The following CDKL3 variants were observed in gnomAD, a reference collection of about 807,000 sequenced individuals.
The protein encoded by CDKL3 is cyclin dependent kinase like 3, also known as cyclin-dependent kinase-like 3.
In CDKL3, 65 loss-of-function variants were observed where a neutral mutation model predicts 69.3. That is an observed-to-expected ratio of 0.94 (90% CI 0.77 to 1.15). The LOEUF (loss-of-function observed/expected upper bound fraction) is 1.15, where lower values mean the gene tolerates loss of function less well. Ranked by LOEUF, CDKL3 falls within the 50% of genes most tolerant of loss-of-function variation. The pLI is 0.00. For synonymous variants in CDKL3, 202 were observed against 221.6 expected (o/e 0.91, Z 0.79); for missense variants, 652 against 689.2 (o/e 0.95, Z 0.61).
chr5:134,352,492 G>C (rs1478843980), intron 3 of CDKL3, among the ~76,000 whole-genome samples: 3 of 151,850 alleles, frequency 2.0e-5, no homozygotes, highest in East Asian at 1.9e-4. Context: ...GTGGAGATGG[G>C]GTTTCACCAG....
chr5:134,369,661 C>T (rs1708572659), upstream of CDKL3, among the ~76,000 whole-genome samples: 1 of 152,118 alleles, frequency 6.6e-6, no homozygotes, highest in South Asian at 2.1e-4. Flanking sequence ...GCTTCAACTT[C>T]CTCGTCTCAA....
At chr5:134,353,700 C>T (rs568526997) in intron 3 of CDKL3, among the ~76,000 whole-genome samples, 1 of 152,152 alleles carries the variant, frequency 6.6e-6, no homozygotes, top group East Asian at 1.9e-4. Context: ...TACAGGACTA[C>T]GGGCATGCGC....
At chr5:134,351,832 A>C (rs1298112051) in intron 3 of CDKL3, among the ~76,000 whole-genome samples, 1 of 152,170 alleles carries the variant, frequency 6.6e-6, no homozygotes, top group African/African-American at 2.4e-5. Flanking sequence ...TGTTGTTTTA[A>C]AATATGTATA....
At chr5:134,345,407 G>GACT (rs1751613139) in intron 4 of CDKL3, among the ~76,000 whole-genome samples, 1 of 152,164 alleles carries the variant, frequency 6.6e-6, no homozygotes, top group Non-Finnish European at 1.5e-5. Flanking sequence ...AAGTATCAGA[G>GACT]ACTACATACT....
rs533996527 is a variant in CDKL3, at chr5:134,324,218, A to C, written c.540-2315T>G. Reference sequence around the variant, plus strand: ...CAAATGCAGGTGAGGATGGCAAACAACAGGTACTCTCATTCATTGCTGGTA... The same window carrying C: ...CAAATGCAGGTGAGGATGGCAAACACCAGGTACTCTCATTCATTGCTGGTA... On this transcript the variant is annotated intron_variant, in intron 4 of 12. Coordinates refer to ENST00000265334, the MANE Select transcript of CDKL3 (RefSeq NM_001113575.2). Among the ~76,000 whole-genome samples the C allele has an allele frequency of 2.0e-5, 3 of 152,364 alleles. No homozygotes were observed. The South Asian group carries it at 6.2e-4, about 32-fold the overall frequency.
intron 4 of CDKL3, among the ~76,000 whole-genome samples, chr5:134,327,825 T>C (rs958031570): frequency 2.0e-5 from 3 of 151,876 alleles, no homozygotes; most frequent in Non-Finnish European, 4.4e-5. Context: ...CAGCTAGGAG[T>C]AGCCAGGGAA....
At chr5:134,310,594 TCTC>T (rs1468043993) in intron 7 of CDKL3, among the ~76,000 whole-genome samples, 1 of 152,140 alleles carries the variant, frequency 6.6e-6, no homozygotes, top group Non-Finnish European at 1.5e-5. Flanking sequence ...TTCAAATGAC[TCTC>T]CTGTCCCAGC....
At chr5:134,308,777 G>C (rs779071144) in intron 7 of CDKL3, 50 bp from the exon 8 acceptor site, 12 of 1,443,762 alleles carry the variant, frequency 8.3e-6, no homozygotes, top group Non-Finnish European at 1.1e-5. Flanking sequence ...TATGCAGATG[G>C]AGTATTTTAT....
intron 4 of CDKL3, among the ~76,000 whole-genome samples, chr5:134,349,608 TA>T (rs1280911686): frequency 6.6e-6 from 1 of 152,150 alleles, no homozygotes; most frequent in African/African-American, 2.4e-5. Flanking sequence ...ATGTAGAGGC[TA>T]AAGATAAACA....
chr5:134,342,901 A>G (rs932646492), intron 4 of CDKL3, among the ~76,000 whole-genome samples: 1 of 152,252 alleles, frequency 6.6e-6, no homozygotes, highest in African/African-American at 2.4e-5. Flanking sequence ...CTACAAAGCA[A>G]TAGTCATTAA....
intron 4 of CDKL3, among the ~76,000 whole-genome samples, chr5:134,330,100 A>G (rs1241811893): frequency 1.3e-5 from 2 of 152,160 alleles, no homozygotes; most frequent in African/African-American, 2.4e-5. Context: ...ATAAGGTTCA[A>G]GATACTTTTG....
intron 3 of CDKL3, among the ~76,000 whole-genome samples, chr5:134,355,628 ATCTTTC>A (rs766290503): frequency 3.9e-5 from 6 of 152,324 alleles, no homozygotes; most frequent in African/African-American, 1.4e-4. Flanking sequence ...AGTTTTGATA[ATCTTTC>A]TCTGTCATTT....
chr5:134,331,916 G>A (rs953418446), intron 4 of CDKL3, among the ~76,000 whole-genome samples: 1 of 151,610 alleles, frequency 6.6e-6, no homozygotes, highest in South Asian at 2.1e-4. Flanking sequence ...TACACTCCCA[G>A]TGTAAAAGTG....
intron 4 of CDKL3, among the ~76,000 whole-genome samples, chr5:134,345,918 T>C (rs1202589877): frequency 6.6e-6 from 1 of 152,186 alleles, no homozygotes; most frequent in African/African-American, 2.4e-5. Context: ...GCTTAGACTA[T>C]GATACCTGAA....
Position 134,298,540 on chromosome 5 carries a change from T to C in CDKL3, c.*111A>G, listed in dbSNP as rs1364386007. 7 of 1,479,758 alleles carry C rather than the reference T, an allele frequency of 4.7e-6. No individual in the cohort carries two copies. In the East Asian group the frequency reaches 1.4e-4, roughly 30 times the overall value. The allele number at this position is 1,479,758 out of a possible 1,614,324, so 91.7% of individuals were successfully genotyped here. On this transcript the variant is annotated 3_prime_UTR_variant, in exon 13 of 13. Coordinates refer to ENST00000265334, the MANE Select transcript of CDKL3 (RefSeq NM_001113575.2). ...AACAAAAAAAGCTGGATGATGCTCATGCACATGGATGGCTGTCTTAACAAC... is the reference window on the plus strand; with the variant it reads ...AACAAAAAAAGCTGGATGATGCTCACGCACATGGATGGCTGTCTTAACAAC...
intron 2 of CDKL3, among the ~76,000 whole-genome samples, chr5:134,365,816 TTTTGAG>T (rs1561661182): frequency 1.3e-5 from 2 of 152,204 alleles, no homozygotes; most frequent in Admixed American, 6.5e-5. Flanking sequence ...CTTTAGTCTC[TTTTGAG>T]TTTATGTTGT....
chr5:134,340,848 C>A (rs1750303590), intron 4 of CDKL3, among the ~76,000 whole-genome samples: 1 of 152,156 alleles, frequency 6.6e-6, no homozygotes, highest in African/African-American at 2.4e-5. Context: ...CATCCCATCT[C>A]ATTTTTTAAA....
intron 4 of CDKL3, among the ~76,000 whole-genome samples, chr5:134,349,176 A>T (rs980617504): frequency 2.0e-5 from 3 of 152,218 alleles, no homozygotes; most frequent in African/African-American, 7.2e-5. Context: ...AAGCATTTAG[A>T]ACAGTTTCTG....
At chr5:134,318,103 C>G (rs1180477708) in intron 6 of CDKL3, among the ~76,000 whole-genome samples, 1 of 151,638 alleles carries the variant, frequency 6.6e-6, no homozygotes, top group East Asian at 1.9e-4. Context: ...CATGTAATCC[C>G]AGCTACTTGG....
Sources: gnomAD v4.1 joint callset for allele counts (sites outside exome capture counted in the v4.1 genomes callset) on GRCh38, gnomAD v4.1.1 for gene constraint, MANE v1.5 for transcripts, NCBI Gene and HGNC (gene_info 2026-07-23, HGNC 2026-07-21) for gene names.